MYO18B: variants seen among roughly 807,000 people sequenced by gnomAD.
The protein encoded by MYO18B is myosin XVIIIB, also known as unconventional myosin-XVIIIb.
A neutral mutation model predicts 273.0 loss-of-function variants in MYO18B; 204 were observed. That is an observed-to-expected ratio of 0.75 (90% confidence interval 0.67 to 0.84). The LOEUF is 0.84. Among genes scored for constraint, MYO18B ranks in the 40% least tolerant of loss-of-function variants. MYO18B has a pLI of 0.00. For missense variants in MYO18B, 3,212 were observed against 3,287.6 expected (o/e 0.98, Z 0.56); for synonymous variants, 1,330 against 1,305.7 (o/e 1.02, Z -0.40).
At chr22:25,752,226 C>T (rs1470899941) in intron 1 of MYO18B, among the ~76,000 whole-genome samples, 4 of 147,680 alleles carry the variant, frequency 2.7e-5, no homozygotes, top group Non-Finnish European at 4.5e-5. Flanking sequence ...CTCGCTCTGT[C>T]GCCCAGGCTG....
chr22:25,868,091 T>C (rs544835403), intron 21 of MYO18B, among the ~76,000 whole-genome samples: 103 of 152,282 alleles, frequency 6.8e-4, no homozygotes, highest in African/African-American at 1.9e-3. Context: ...CTCTGTAAAA[T>C]AGGAGGATGA....
In MYO18B at chr22:25,821,804, C is replaced by CA. The variant is rs200820343; in HGVS notation, c.2522-1693dup. Among the ~76,000 whole-genome samples the CA allele has an allele frequency of 1.3e-3, 196 of 151,360 alleles. 1 individual carries two copies. The highest frequency in any genetic ancestry group is 3.6e-3 in the South Asian group (17 of 4,784). ...ACAAAACAGAACAAAACAAAACAAA[C>CA]AAAAAAAAGAAGTCATTTATTTTTC... On this transcript the variant is annotated intron_variant, in intron 12 of 43. Coordinates refer to ENST00000335473, the MANE Select transcript of MYO18B (RefSeq NM_032608.7).
chr22:26,050,048 A>T, the MYO18B span, among the ~76,000 whole-genome samples: 6 of 152,258 alleles, frequency 3.9e-5, no homozygotes, highest in Non-Finnish European at 8.8e-5. Context: ...CAATGCCCTC[A>T]GAAAAACAGC....
At chr22:26,047,431 G>A in the MYO18B span, among the ~76,000 whole-genome samples, 1 of 152,122 alleles carries the variant, frequency 6.6e-6, no homozygotes, top group Non-Finnish European at 1.5e-5. Flanking sequence ...CAGCCAGTTG[G>A]CCCATTTTTA....
intron 32 of MYO18B, 28 bp downstream of exon 32, chr22:25,908,460 C>T: frequency 6.5e-7 from 1 of 1,546,314 alleles, no homozygotes; most frequent in South Asian, 1.2e-5. Flanking sequence ...ACAGCTGTGC[C>T]CTTGGATCCT....
intron 15 of MYO18B, among the ~76,000 whole-genome samples, chr22:25,830,140 A>G (rs1056250066): frequency 3.9e-5 from 6 of 152,146 alleles, no homozygotes; most frequent in African/African-American, 1.2e-4. Flanking sequence ...TTTGGTTGGT[A>G]ATAAAAATAA....
chr22:25,814,339 A>G (rs2088909163), intron 12 of MYO18B, among the ~76,000 whole-genome samples: 1 of 41,594 alleles, frequency 2.4e-5, no homozygotes, highest in Non-Finnish European at 4.8e-5. Flanking sequence ...TTTTTTTTTG[A>G]GACAGAGTTT....
chr22:25,921,421 G>T lies in MYO18B; in HGVS notation c.5517+12G>T. 6.3e-7 allele frequency: 1 copy of T among 1,597,232 alleles called. No homozygotes were observed. The highest frequency in any genetic ancestry group is 2.3e-5 in the East Asian group (1 of 44,130). ...AAGTGCACAGCCAGGTGGGTGTCAC[G>T]GGATCCCCTTGAGAATCAGGCTGGG... On this transcript the variant is annotated intron_variant, in intron 34 of 43. Coordinates refer to ENST00000335473, the MANE Select transcript of MYO18B (RefSeq NM_032608.7).
chr22:25,784,972 T>C (rs548831727), intron 10 of MYO18B, among the ~76,000 whole-genome samples: 1 of 152,122 alleles, frequency 6.6e-6, no homozygotes, highest in Non-Finnish European at 1.5e-5. Flanking sequence ...AGCTGTGAAG[T>C]CTTGGGGCAG....
At chr22:26,039,422 AT>A in the MYO18B span, among the ~76,000 whole-genome samples, 2 of 152,024 alleles carry the variant, frequency 1.3e-5, no homozygotes, top group African/African-American at 2.4e-5. Flanking sequence ...ATGCCCAAGT[AT>A]TTTTTGAGCA....
chr22:26,001,275 A>G (rs1933927054), intron 40 of MYO18B, among the ~76,000 whole-genome samples: 1 of 152,246 alleles, frequency 6.6e-6, no homozygotes. Context: ...TGAAAGACAA[A>G]CTCTAAATGA....
chr22:25,890,895 C>G lies in MYO18B; in HGVS notation c.4434+20C>G, dbSNP rs762714723. On this transcript the variant is annotated intron_variant, in intron 26 of 43. Coordinates refer to ENST00000335473, the MANE Select transcript of MYO18B (RefSeq NM_032608.7). ...CTCAAGGTGAGTGGTCAGGGGTGGC[C>G]AGGGGTGGCTGAACACGGTGGCTAA... 6.5e-7 allele frequency: 1 copy of G among 1,543,842 alleles called. No individual in the cohort carries two copies. Among genetic ancestry groups the G allele is most frequent in the South Asian group, 1.1e-5 (1 of 89,598 alleles).
chr22:25,854,580 A>AT (rs2090514919), intron 21 of MYO18B, among the ~76,000 whole-genome samples: 1 of 152,230 alleles, frequency 6.6e-6, no homozygotes, highest in Non-Finnish European at 1.5e-5. Flanking sequence ...GTACATTCAT[A>AT]TTTTTGAGCA....
At chr22:25,742,492 T>G (rs2085656156) in intron 1 of MYO18B, among the ~76,000 whole-genome samples, 199 bp downstream of exon 1, 1 of 152,100 alleles carries the variant, frequency 6.6e-6, no homozygotes, top group Non-Finnish European at 1.5e-5. Flanking sequence ...CAAGAGTGTT[T>G]CGGTGGAAGG....
intron 6 of MYO18B, among the ~76,000 whole-genome samples, chr22:25,771,269 T>C (rs2086711252): frequency 1.3e-5 from 2 of 152,190 alleles, no homozygotes; most frequent in African/African-American, 2.4e-5. Context: ...GTTCTTCTGA[T>C]GGACCCAAGA....
chr22:25,775,240 C>T (rs1690700166), intron 7 of MYO18B, among the ~76,000 whole-genome samples: 3 of 152,184 alleles, frequency 2.0e-5, no homozygotes, highest in South Asian at 4.1e-4. Flanking sequence ...GCATTAGGTT[C>T]CTGCTGAGCC....
At chr22:26,003,547 G>T (rs1934166431) in intron 41 of MYO18B, among the ~76,000 whole-genome samples, 1 of 152,142 alleles carries the variant, frequency 6.6e-6, no homozygotes, top group Non-Finnish European at 1.5e-5. Context: ...CACCTTCAAT[G>T]GCTCCCTATT....
At chr22:25,998,728 G>A (rs8138415) in intron 40 of MYO18B, among the ~76,000 whole-genome samples, 47,804 of 151,802 alleles carry the variant, frequency 0.31, 7,980 homozygotes, top group African/African-American at 0.43. Context: ...CTCTTTTCCT[G>A]CAACTTTTTT....
chr22:26,013,188 C>T (rs1935050614), intron 42 of MYO18B, among the ~76,000 whole-genome samples: 1 of 152,038 alleles, frequency 6.6e-6, no homozygotes. Context: ...GTCAGTGGTT[C>T]TCAACTGGAG....
Sources: allele counts gnomAD v4.1 joint callset (sites outside exome capture counted in the v4.1 genomes callset), GRCh38; gene constraint gnomAD v4.1.1; transcripts MANE v1.5; gene names NCBI Gene and HGNC (gene_info 2026-07-23, HGNC 2026-07-21).